NOL4: variants seen among roughly 807,000 people sequenced by gnomAD.
The protein encoded by NOL4 is nucleolar protein 4.
NOL4 carries 17 observed loss-of-function variants against 75.9 expected under a neutral mutation model. The observed-to-expected ratio is 0.22, with a 90% CI of 0.15 to 0.34. The LOEUF is 0.34. NOL4 is among the 10% of genes least tolerant of loss of function. The probability of loss-of-function intolerance (pLI) is 1.00; values close to 1 mark genes in which losing one functional copy is unlikely to be tolerated. For missense variants in NOL4, 614 were observed against 793.5 expected, an observed-to-expected ratio of 0.77 and a Z score of 2.72; for synonymous variants, 292 against 289.9, an observed-to-expected ratio of 1.01 and a Z score of -0.07.
rs1197780282 is a variant in NOL4, at chr18:34,047,326, T to C, written c.773-27725A>G. On this transcript the variant is annotated intron_variant, in intron 5 of 10. Coordinates refer to ENST00000261592, the MANE Select transcript of NOL4 (RefSeq NM_003787.5). ...GTAGACTGTAATGTTATTTGTAGTGTGTAGTACATTACTAGCAGGATTTTA... is the reference window on the plus strand; with the variant it reads ...GTAGACTGTAATGTTATTTGTAGTGCGTAGTACATTACTAGCAGGATTTTA... Among the ~76,000 whole-genome samples, 5 of 152,220 alleles carry C rather than the reference T, an allele frequency of 3.3e-5. No homozygotes were observed. The East Asian group carries it at 9.7e-4, about 29-fold the overall frequency.
intron 8 of NOL4, among the ~76,000 whole-genome samples, chr18:33,949,658 C>A (rs1323577308): frequency 1.3e-5 from 2 of 152,072 alleles, no homozygotes; most frequent in African/African-American, 4.8e-5. Flanking sequence ...TGAGAAAATT[C>A]TCTTGACTAA....
At chr18:34,003,793 A>G (rs2073877311) in intron 6 of NOL4, among the ~76,000 whole-genome samples, 1 of 151,990 alleles carries the variant, frequency 6.6e-6, no homozygotes, top group South Asian at 2.1e-4. Context: ...AAGGCCCTCA[A>G]CTAACTAACA....
chr18:33,983,410 G>C (rs2072143430), intron 6 of NOL4, among the ~76,000 whole-genome samples: 1 of 151,968 alleles, frequency 6.6e-6, no homozygotes, highest in Admixed American at 6.6e-5. Context: ...GTTGATAGTA[G>C]AAGAGTTGGT....
intron 5 of NOL4, among the ~76,000 whole-genome samples, chr18:34,038,214 T>G (rs186223007): frequency 6.6e-6 from 1 of 152,166 alleles, no homozygotes; most frequent in East Asian, 1.9e-4. Flanking sequence ...CCAGTCAGAA[T>G]GGCTATTATA....
At position 34,142,329 on chromosome 18, in the gene NOL4, G is replaced by A. The variant is rs560355313; in HGVS notation, c.265-12309C>T. ...CATTTGACCCAGCCATCCCATTACT[G>A]GGGATATACCCAAAGGATTATAAAT... On this transcript the variant is annotated intron_variant, in intron 1 of 10. Transcript: ENST00000261592. 2.6e-5 allele frequency among the ~76,000 whole-genome samples: 4 copies of A among 152,260 alleles called. No individual in the cohort carries two copies. The South Asian group carries it at 8.3e-4, about 32-fold the overall frequency.
chr18:34,142,287 T>C (rs2081202773), intron 1 of NOL4, among the ~76,000 whole-genome samples: 1 of 152,130 alleles, frequency 6.6e-6, no homozygotes, highest in African/African-American at 2.4e-5. Flanking sequence ...TCCTCAAGGA[T>C]CTAGAACTAG....
At chr18:34,035,209 G>A (rs185487698) in intron 5 of NOL4, among the ~76,000 whole-genome samples, 1 of 152,220 alleles carries the variant, frequency 6.6e-6, no homozygotes, top group African/African-American at 2.4e-5. Context: ...CCTACTATAT[G>A]TTAGGCCACA....
intron 10 of NOL4, among the ~76,000 whole-genome samples, chr18:33,877,897 A>G (rs537698888): frequency 6.6e-5 from 10 of 151,860 alleles, no homozygotes; most frequent in African/African-American, 2.4e-4. Context: ...ATACTATGAG[A>G]GTGTATATCT....
chr18:34,089,224 T>C (rs1383312645), intron 5 of NOL4, among the ~76,000 whole-genome samples: 1 of 152,138 alleles, frequency 6.6e-6, no homozygotes, highest in Non-Finnish European at 1.5e-5. Context: ...AAAATCATAA[T>C]GTCCTACTTC....
At chr18:33,913,827 A>G (rs1469786849) in intron 9 of NOL4, among the ~76,000 whole-genome samples, 1 of 152,120 alleles carries the variant, frequency 6.6e-6, no homozygotes, top group African/African-American at 2.4e-5. Context: ...GTGTGTGAAA[A>G]AAGCAGGTTC....
At chr18:34,017,742 T>G (rs758024301) in intron 6 of NOL4, among the ~76,000 whole-genome samples, 1 of 152,172 alleles carries the variant, frequency 6.6e-6, no homozygotes, top group Non-Finnish European at 1.5e-5. Flanking sequence ...CCTTCAAAGG[T>G]GGACTTTGCT....
At chr18:34,174,739 C>T (rs1431337110) in intron 1 of NOL4, among the ~76,000 whole-genome samples, 1 of 152,052 alleles carries the variant, frequency 6.6e-6, no homozygotes, top group East Asian at 1.9e-4. Context: ...CATGTGTTCT[C>T]ATTGTTCAAC....
At chr18:33,898,926 G>T (rs557398470) in intron 9 of NOL4, among the ~76,000 whole-genome samples, 1 of 152,196 alleles carries the variant, frequency 6.6e-6, no homozygotes, top group Non-Finnish European at 1.5e-5. Flanking sequence ...ACAGTGAAAA[G>T]CAGGCCTAAC....
chr18:34,103,995 C>G lies in NOL4; in HGVS notation c.639+52G>C. ...TGCTTAATATGATAGTCATGGTTAT[C>G]AAGCTTCGTTCCAATTTGTAAGTAA... On this transcript the variant is annotated intron_variant, in intron 4 of 10. Transcript: ENST00000261592. The G allele has an allele frequency of 2.5e-6, 3 of 1,222,254 alleles. No individual in the cohort carries two copies. In the South Asian group the frequency reaches 3.6e-5, roughly 15 times the overall value. 75.7% of individuals were successfully genotyped at this position (1,222,254 alleles called of 1,614,324 possible).
At chr18:34,012,753 C>T (rs920352239) in intron 6 of NOL4, among the ~76,000 whole-genome samples, 1 of 151,960 alleles carries the variant, frequency 6.6e-6, no homozygotes, top group African/African-American at 2.4e-5. Context: ...ACTAAAACAT[C>T]AAAAGCAAAA....
At chr18:33,967,134 G>C (rs1600087908) in intron 6 of NOL4, among the ~76,000 whole-genome samples, 1 of 152,048 alleles carries the variant, frequency 6.6e-6, no homozygotes, top group South Asian at 2.1e-4. Flanking sequence ...CAGATACATG[G>C]ACCAATGGAA....
chr18:33,928,223 T>A (rs1477313803), intron 9 of NOL4, among the ~76,000 whole-genome samples: 1 of 152,216 alleles, frequency 6.6e-6, no homozygotes, highest in Non-Finnish European at 1.5e-5. Flanking sequence ...TGTTTCCCTG[T>A]CTTTGGCACC....
chr18:34,086,091 T>G (rs1269301289), intron 5 of NOL4, among the ~76,000 whole-genome samples: 1 of 152,102 alleles, frequency 6.6e-6, no homozygotes, highest in African/African-American at 2.4e-5. Flanking sequence ...CTAACTCAAT[T>G]CAGAATATTT....
In NOL4 at chr18:34,104,003, G is replaced by A. The variant is rs201130088; in HGVS notation, c.639+44C>T. 234 of 1,308,052 alleles carry A rather than the reference G, an allele frequency of 1.8e-4. 1 individual carries two copies. Among genetic ancestry groups the A allele is most frequent in the South Asian group, 1.6e-3 (139 of 84,614 alleles). The allele number at this position is 1,308,052 out of a possible 1,614,324, so 81.0% of individuals were successfully genotyped here. On this transcript the variant is annotated intron_variant, in intron 4 of 10. Transcript: ENST00000261592. ...ATGATAGTCATGGTTATCAAGCTTCGTTCCAATTTGTAAGTAATACAAATG... is the reference window on the plus strand; with the variant it reads ...ATGATAGTCATGGTTATCAAGCTTCATTCCAATTTGTAAGTAATACAAATG...
Sources: gnomAD v4.1 joint callset for allele counts (sites outside exome capture counted in the v4.1 genomes callset) on GRCh38, gnomAD v4.1.1 for gene constraint, MANE v1.5 for transcripts, NCBI Gene and HGNC (gene_info 2026-07-23, HGNC 2026-07-21) for gene names.